The following NACC2 variants were observed in gnomAD, a reference collection of about 807,000 sequenced individuals.
NACC2 encodes nucleus accumbens-associated protein 2.
NACC2 carries 8 observed loss-of-function variants against 25.1 expected under a neutral mutation model. The ratio of observed to expected loss-of-function variants is 0.32; its 90% CI spans 0.19 to 0.57. The LOEUF (loss-of-function observed/expected upper bound fraction) is 0.57, where lower values mean the gene tolerates loss of function less well. Among genes scored for constraint, NACC2 ranks in the 20% least tolerant of loss-of-function variants. The pLI is 0.89. For synonymous variants in NACC2, 435 were observed against 294.7 expected (o/e 1.48, Z -4.88); for missense variants, 644 against 650.2 (o/e 0.99, Z 0.10).
At chr9:136,083,834 A>C (rs1174772973) in intron 1 of NACC2, among the ~76,000 whole-genome samples, 1 of 151,786 alleles carries the variant, frequency 6.6e-6, no homozygotes, top group Non-Finnish European at 1.5e-5. Context: ...TGCTGAGGGG[A>C]CCCCCGGCCT....
chr9:136,064,194 G>GT (rs905902823), intron 1 of NACC2, among the ~76,000 whole-genome samples: 7 of 151,950 alleles, frequency 4.6e-5, no homozygotes, highest in African/African-American at 9.7e-5. Context: ...GAGGCTGAGG[G>GT]GGGAGAATCA....
At chr9:136,058,792 C>T (rs1840967357) in intron 1 of NACC2, among the ~76,000 whole-genome samples, 1 of 152,258 alleles carries the variant, frequency 6.6e-6, no homozygotes, top group South Asian at 2.1e-4. Flanking sequence ...ATAGCCCCCA[C>T]CTGCACACTT....
chr9:136,011,482 G>C lies in NACC2; in HGVS notation c.*34C>G, dbSNP rs778200827. On this transcript the variant is annotated 3_prime_UTR_variant, in exon 6 of 6. Coordinates refer to ENST00000277554, the MANE Select transcript of NACC2 (RefSeq NM_144653.5). Reference sequence around the variant, plus strand: ...TTAGTAACGCATGCAAGCAGCTCTAGTACTCGGTCCCTCGCGCAGCCACCC... The same window carrying C: ...TTAGTAACGCATGCAAGCAGCTCTACTACTCGGTCCCTCGCGCAGCCACCC... 4.4e-6 allele frequency: 6 copies of C among 1,350,700 alleles called. No homozygotes were observed. Among genetic ancestry groups the C allele is most frequent in the Non-Finnish European group, 5.7e-6 (6 of 1,052,952 alleles). The allele number at this position is 1,350,700 out of a possible 1,614,324, so 83.7% of individuals were successfully genotyped here. A position where few individuals can be genotyped will look rare whatever the true frequency, so the allele number is the denominator to read the frequency against.
At chr9:136,032,675 T>TC (rs1840491343) in intron 2 of NACC2, among the ~76,000 whole-genome samples, 1 of 152,156 alleles carries the variant, frequency 6.6e-6, no homozygotes, top group African/African-American at 2.4e-5. Context: ...GGCAGGCGGA[T>TC]CACTTGAGAT....
intron 1 of NACC2, among the ~76,000 whole-genome samples, chr9:136,051,070 T>A (rs1296246418): frequency 6.6e-6 from 1 of 152,254 alleles, no homozygotes; most frequent in East Asian, 1.9e-4. Context: ...CTGTGCAGTT[T>A]GCGGTTTGCT....
intron 2 of NACC2, among the ~76,000 whole-genome samples, chr9:136,033,371 C>T (rs532118919): frequency 6.4e-4 from 97 of 151,658 alleles, no homozygotes; most frequent in Non-Finnish European, 1.1e-3. Context: ...TGGCCGGGCA[C>T]GGTGGCTCAC....
chr9:136,039,398 G>C (rs1012507827), intron 2 of NACC2, among the ~76,000 whole-genome samples: 1 of 152,266 alleles, frequency 6.6e-6, no homozygotes, highest in African/African-American at 2.4e-5. Flanking sequence ...AAGTGGCTTC[G>C]CTGGTAAGAC....
At chr9:136,061,571 C>T (rs1011621665) in intron 1 of NACC2, among the ~76,000 whole-genome samples, 4 of 152,116 alleles carry the variant, frequency 2.6e-5, no homozygotes, top group Non-Finnish European at 4.4e-5. Flanking sequence ...CAAGAGGATG[C>T]GTGTACACGT....
intron 1 of NACC2, among the ~76,000 whole-genome samples, chr9:136,066,481 T>C (rs1841082190): frequency 6.6e-6 from 1 of 152,166 alleles, no homozygotes; most frequent in African/African-American, 2.4e-5. Flanking sequence ...AGGATGGCTA[T>C]AATCAAAAAG....
chr9:136,036,789 G>A (rs1840561130), intron 2 of NACC2, among the ~76,000 whole-genome samples: 1 of 152,206 alleles, frequency 6.6e-6, no homozygotes, highest in Non-Finnish European at 1.5e-5. Context: ...CATACATTTA[G>A]TTTAACTTCT....
rs1403848281 is a variant in NACC2, at chr9:136,050,077, G to A, written c.445C>T (p.Leu149=). The change falls in exon 2 of 6, where the codon CTG becomes TTG. Residue 149 remains leucine (L), a synonymous_variant. Transcript: ENST00000277554. ...GCCGCGGCGGCGGCGGCCGGCTGCA[G>A]CTGGTTGCAGGGGCTCTGGGGCTCG... ...GSEPQSPCNQ[L]QPAAAAAAPY... is the part of the protein sequence containing the mutation. The A allele has an allele frequency of 1.1e-5, 8 of 743,262 alleles. No individual in the cohort carries two copies. The highest frequency in any genetic ancestry group is 8.9e-5 in the Admixed American group (5 of 56,136). The allele number at this position is 743,262 out of a possible 1,614,324, so 46.0% of individuals were successfully genotyped here. A position where few individuals can be genotyped will look rare whatever the true frequency, so the allele number is the denominator to read the frequency against.
At chr9:136,047,885 G>A (rs901561207) in intron 2 of NACC2, among the ~76,000 whole-genome samples, 5 of 152,256 alleles carry the variant, frequency 3.3e-5, no homozygotes, top group South Asian at 2.1e-4. Flanking sequence ...AGGCTTCACC[G>A]TGCTCCCAGC....
chr9:136,033,703 GT>G (rs1207798407), intron 2 of NACC2, among the ~76,000 whole-genome samples: 1 of 147,380 alleles, frequency 6.8e-6, no homozygotes, highest in Non-Finnish European at 1.5e-5. Flanking sequence ...AAAAAAAGAT[GT>G]GCAGAGAACT....
chr9:136,021,324 G>A (rs774996955), intron 2 of NACC2, among the ~76,000 whole-genome samples: 3 of 147,426 alleles, frequency 2.0e-5, no homozygotes, highest in Non-Finnish European at 2.9e-5. Flanking sequence ...AAGCCATGTT[G>A]CGGTCCCACC....
intron 1 of NACC2, among the ~76,000 whole-genome samples, chr9:136,076,543 C>T (rs1454745122): frequency 1.3e-5 from 2 of 151,836 alleles, no homozygotes; most frequent in African/African-American, 4.8e-5. Context: ...TGGGGGACTG[C>T]GGAGGGGAGT....
intron 1 of NACC2, among the ~76,000 whole-genome samples, chr9:136,065,797 A>G (rs910511187): frequency 6.1e-5 from 9 of 148,016 alleles, no homozygotes; most frequent in Admixed American, 2.8e-4. Flanking sequence ...CCTGGGTGAC[A>G]GAGACCCTGT....
In NACC2 at chr9:136,011,703, A is replaced by G. The variant is rs1200402873; in HGVS notation, c.1577T>C (p.Phe526Ser). 6.7e-7 allele frequency: 1 copy of G among 1,499,308 alleles called. No individual in the cohort carries two copies. 92.9% of individuals were successfully genotyped at this position (1,499,308 alleles called of 1,614,324 possible). Residue 526 changes from phenylalanine (F) to serine (S), a missense_variant, in exon 6 of 6, where the codon TTC becomes TCC. By Grantham distance (155) the Phe-to-Ser change is radical. Coordinates refer to ENST00000277554, the MANE Select transcript of NACC2 (RefSeq NM_144653.5). The stretch of plus-strand genomic sequence containing the variant: ...CCCGTCCACCTCCTCGCCGGCGTCG[A>G]AGGCGGGGTTGGCGGCGGCACTCAG... ...VDLSAAANPA[F>S]DAGEEVDGAG...
At chr9:136,016,230 T>G (rs368617797) in intron 3 of NACC2, 35 bp downstream of exon 3, 1 of 1,608,530 alleles carries the variant, frequency 6.2e-7, no homozygotes, top group African/African-American at 1.3e-5. Context: ...AATGAGGACA[T>G]TTGCATACAA....
At chr9:136,090,985 G>A (rs1033479020) in intron 1 of NACC2, among the ~76,000 whole-genome samples, 4 of 152,124 alleles carry the variant, frequency 2.6e-5, no homozygotes, top group East Asian at 1.9e-4. Context: ...CCAGGAGCTC[G>A]CGGCCGCCCA....
Sources: allele counts gnomAD v4.1 joint callset (sites outside exome capture counted in the v4.1 genomes callset), GRCh38; gene constraint gnomAD v4.1.1; transcripts MANE v1.5; gene names NCBI Gene and HGNC (gene_info 2026-07-23, HGNC 2026-07-21).